Variants in APOOL observed in about 807,000 individuals in gnomAD.
The protein encoded by APOOL is MICOS complex subunit MIC27.
APOOL carries 12 observed loss-of-function variants against 23.1 expected under a neutral mutation model. That is an observed-to-expected ratio of 0.52 (90% CI 0.33 to 0.84). The LOEUF (loss-of-function observed/expected upper bound fraction) is 0.84, where lower values mean the gene tolerates loss of function less well. Among genes scored for constraint, APOOL ranks in the 40% least tolerant of loss-of-function variants. The pLI is 0.02. For synonymous variants in APOOL, 77 were observed against 69.9 expected (o/e 1.10, Z -0.51); for missense variants, 212 against 199.6 (o/e 1.06, Z -0.37).
Position 85,003,888 on chromosome X carries a change from A to G in APOOL, c.-25A>G. ...TGTCCCTCTCTGCTCTCCGTCTGAAAACCTTGGCCGAAAGGGTTGTAGACA... is the reference window on the plus strand; with the variant it reads ...TGTCCCTCTCTGCTCTCCGTCTGAAGACCTTGGCCGAAAGGGTTGTAGACA... On this transcript the variant is annotated 5_prime_UTR_variant, in exon 1 of 9. Transcript: ENST00000373173. The G allele has an allele frequency of 8.3e-7, 1 of 1,211,231 alleles. No individual in the cohort carries two copies. The highest frequency in any genetic ancestry group is 1.8e-5 in the South Asian group (1 of 56,890).
intron 8 of APOOL, among the ~76,000 whole-genome samples, chrX:85,076,096 A>C (rs1923827453): frequency 9.1e-6 from 1 of 110,449 alleles, no homozygotes; most frequent in South Asian, 3.9e-4. Flanking sequence ...TCATAAGGGC[A>C]CTACTGATCC....
chrX:85,046,631 C>A, intron 2 of APOOL, 81 bp downstream of exon 2: 1 of 816,229 alleles, frequency 1.2e-6, no homozygotes, highest in Non-Finnish European at 1.7e-6. Context: ...TTATCTTTGC[C>A]CATCAAAAAT....
chrX:85,036,021 G>C (rs779922761), intron 1 of APOOL, among the ~76,000 whole-genome samples: 1 of 112,224 alleles, frequency 8.9e-6, no homozygotes, highest in Non-Finnish European at 1.9e-5. Context: ...GACAAATGTC[G>C]TTGGTAGTTT....
chrX:85,057,638 G>T (rs1269353775), intron 5 of APOOL, among the ~76,000 whole-genome samples: 1 of 105,340 alleles, frequency 9.5e-6, no homozygotes, highest in African/African-American at 3.5e-5. Context: ...CTGAATGGAT[G>T]ATATATATCT....
chrX:85,032,445 C>A (rs780697450), intron 1 of APOOL, among the ~76,000 whole-genome samples: 1 of 108,078 alleles, frequency 9.3e-6, no homozygotes, highest in Admixed American at 1.0e-4. Flanking sequence ...ACCTGGGTGG[C>A]GGAGGTTGCA....
intron 2 of APOOL, 54 bp from the exon 3 acceptor site, chrX:85,051,335 T>C (rs1421637653): frequency 1.7e-6 from 2 of 1,190,714 alleles, no homozygotes; most frequent in Admixed American, 4.4e-5. Context: ...CATACCGCTG[T>C]TATGGACAGT....
intron 5 of APOOL, among the ~76,000 whole-genome samples, chrX:85,057,489 A>T (rs1923012266): frequency 9.4e-6 from 1 of 106,020 alleles, no homozygotes; most frequent in Non-Finnish European, 1.9e-5. Context: ...ACATATATAT[A>T]ATATAGATAT....
At chrX:85,065,397 T>C (rs1250280910) in intron 5 of APOOL, among the ~76,000 whole-genome samples, 1 of 111,805 alleles carries the variant, frequency 8.9e-6, no homozygotes, top group Admixed American at 9.6e-5. Context: ...AATATTGTTA[T>C]GTGTGAATTT....
intron 1 of APOOL, among the ~76,000 whole-genome samples, chrX:85,016,750 G>A (rs1247211239): frequency 8.9e-6 from 1 of 112,018 alleles, no homozygotes; most frequent in Non-Finnish European, 1.9e-5. Flanking sequence ...TTTCTCTACT[G>A]TGCCCAGCAT....
chrX:85,059,880 A>C (rs1454722270), intron 5 of APOOL, among the ~76,000 whole-genome samples: 20 of 109,794 alleles, frequency 1.8e-4, no homozygotes, highest in Non-Finnish European at 3.2e-4. Flanking sequence ...TCTTTAGTTT[A>C]ATTAGATCCC....
chrX:85,029,902 C>T (rs997887903), intron 1 of APOOL, among the ~76,000 whole-genome samples: 5 of 111,958 alleles, frequency 4.5e-5, no homozygotes, highest in Admixed American at 1.9e-4. Flanking sequence ...AACACTTTTA[C>T]ACTGCTGGAG....
chrX:85,062,388 C>G, intron 5 of APOOL, among the ~76,000 whole-genome samples: 1 of 111,270 alleles, frequency 9.0e-6, no homozygotes, highest in Non-Finnish European at 1.9e-5. Flanking sequence ...TCTCATTTGT[C>G]AATTTTTGCT....
Position 85,074,313 on chromosome X carries a change from A to G in APOOL, c.640A>G (p.Thr214Ala), listed in dbSNP as rs199654921. Residue 214 changes from threonine to alanine, a missense_variant, in exon 8 of 9, where the codon ACT becomes GCT. Physicochemically the swap from Thr to Ala is moderately conservative, Grantham distance 58. Transcript: ENST00000373173. ...SSEIEVPAKT[T>A]HVLKHSVPLP... ...CGAAATAGAAGTACCTGCAAAAACA[A>G]CTCACGTCTTGAAACACTCAGTGCC... 7.4e-6 allele frequency: 9 copies of G among 1,211,295 alleles called. No individual in the cohort carries two copies. Among genetic ancestry groups the G allele is most frequent in the Middle Eastern group, 2.3e-4 (1 of 4,335 alleles).
At chrX:85,033,736 C>G (rs1168608982) in intron 1 of APOOL, among the ~76,000 whole-genome samples, 1 of 111,382 alleles carries the variant, frequency 9.0e-6, no homozygotes, top group African/African-American at 3.3e-5. Context: ...TCAGAGATCT[C>G]TTTTCTTTTC....
chrX:85,086,673 C>T (rs1924304081), intron 8 of APOOL, among the ~76,000 whole-genome samples: 1 of 111,112 alleles, frequency 9.0e-6, no homozygotes, highest in Non-Finnish European at 1.9e-5. Context: ...CCTTGTTTCC[C>T]TATAGTTTCT....
chrX:85,084,792 A>G (rs1160513080), intron 8 of APOOL, among the ~76,000 whole-genome samples: 2 of 112,124 alleles, frequency 1.8e-5, no homozygotes, highest in Admixed American at 9.5e-5. Flanking sequence ...CCAAACTTTG[A>G]ACAAGAATAT....
Position 85,088,674 on chromosome X carries a change from A to G in APOOL, c.*996A>G, listed in dbSNP as rs954308063. 1 of 110,542 alleles carries G rather than the reference A, an allele frequency of 9.0e-6. No homozygotes were observed. Among genetic ancestry groups the G allele is most frequent in the African/African-American group, 3.3e-5 (1 of 30,411 alleles). 9.1% of individuals were successfully genotyped at this position (110,542 alleles called of 1,213,427 possible). ...ATGACCATTCCCAAAACTTCTTCCC[A>G]TCTACCTTCAAGACTTACCTCTTTT... On this transcript the variant is annotated 3_prime_UTR_variant, in exon 9 of 9. Transcript: ENST00000373173.
intron 8 of APOOL, among the ~76,000 whole-genome samples, chrX:85,082,098 G>A (rs12556303): frequency 8.9e-6 from 1 of 112,092 alleles, no homozygotes; most frequent in Non-Finnish European, 1.9e-5. Context: ...CTGTCAGTTC[G>A]TCAAAGTCAT....
intron 1 of APOOL, among the ~76,000 whole-genome samples, chrX:85,011,552 C>T (rs191508789): frequency 0.024 from 2,702 of 111,657 alleles, 73 homozygotes; most frequent in African/African-American, 0.082. Context: ...AATTCTTCTA[C>T]ATGTGGCTTG....
Sources: allele counts gnomAD v4.1 joint callset (sites outside exome capture counted in the v4.1 genomes callset), GRCh38; gene constraint gnomAD v4.1.1; transcripts MANE v1.5; gene names NCBI Gene and HGNC (gene_info 2026-07-23, HGNC 2026-07-21).